The following TTL variants were observed in gnomAD, a reference collection of about 807,000 sequenced individuals.
The protein encoded by TTL is tubulin--tyrosine ligase.
A neutral mutation model predicts 41.1 loss-of-function variants in TTL; 10 were observed. The observed-to-expected ratio is 0.24, with a 90% CI of 0.15 to 0.41. The LOEUF is 0.41. TTL is among the 10% of genes least tolerant of loss of function. The probability of loss-of-function intolerance (pLI) is 1.00; values close to 1 mark genes in which losing one functional copy is unlikely to be tolerated. For synonymous variants in TTL, 175 were observed against 175.5 expected, an observed-to-expected ratio of 1.00 and a Z score of 0.02; for missense variants, 367 against 460.4, an observed-to-expected ratio of 0.80 and a Z score of 1.86.
chr2:112,516,759 A>G lies in TTL; in HGVS notation c.876-3523A>G, dbSNP rs1682082056. Among the ~76,000 whole-genome samples the G allele has an allele frequency of 2.6e-5, 4 of 152,168 alleles. No homozygotes were observed. In the South Asian group the frequency reaches 8.3e-4, roughly 32 times the overall value. Reference sequence around the variant, plus strand: ...CTGTCCCATTGTTCTACCATCCACCATGTCAATGCTACCCTGTCACAATGA... The same window carrying G: ...CTGTCCCATTGTTCTACCATCCACCGTGTCAATGCTACCCTGTCACAATGA... On this transcript the variant is annotated intron_variant, in intron 5 of 6. Transcript: ENST00000233336.
intron 2 of TTL, among the ~76,000 whole-genome samples, chr2:112,491,524 T>C (rs752628470): frequency 8.5e-5 from 13 of 152,246 alleles, no homozygotes; most frequent in Non-Finnish European, 1.3e-4. Flanking sequence ...GTTCATTTTT[T>C]GTAAATTATA....
intron 6 of TTL, chr2:112,521,171 CAA>C: frequency 7.1e-6 from 7 of 985,170 alleles, no homozygotes; most frequent in Non-Finnish European, 8.4e-6. Flanking sequence ...GAGAGTCTTC[CAA>C]AAGAGGTGCA....
At chr2:112,502,437 G>A (rs1681727669) in intron 4 of TTL, among the ~76,000 whole-genome samples, 1 of 151,988 alleles carries the variant, frequency 6.6e-6, no homozygotes, top group Non-Finnish European at 1.5e-5. Flanking sequence ...AGTATTTTGA[G>A]ACCAGCCTGG....
intron 2 of TTL, among the ~76,000 whole-genome samples, chr2:112,486,709 C>A (rs1001186575): frequency 2.0e-5 from 3 of 152,194 alleles, no homozygotes; most frequent in Non-Finnish European, 4.4e-5. Flanking sequence ...CTCCTTCTCT[C>A]ACTAGCTTGG....
At chr2:112,500,446 C>G (rs561645617) in intron 3 of TTL, among the ~76,000 whole-genome samples, 6 of 152,208 alleles carry the variant, frequency 3.9e-5, no homozygotes, top group African/African-American at 1.4e-4. Flanking sequence ...TGGTGCACGC[C>G]TGTAATCCCA....
intron 1 of TTL, chr2:112,483,597 C>T (rs545029117): frequency 2.0e-5 from 3 of 152,162 alleles, no homozygotes; most frequent in Non-Finnish European, 4.4e-5. Flanking sequence ...TAGGTGTGGT[C>T]AGAATTCAAA....
Position 112,539,686 on chromosome 2 carries a change from A to G in TTL, c.*10891A>G, listed in dbSNP as rs1682674280. The stretch of plus-strand genomic sequence containing the variant: ...AATGTTCTAGACAGAGCAATTCGAC[A>G]AAAGGAAGGAAAGAAGACTGCGCAT... On this transcript the variant is annotated 3_prime_UTR_variant, in exon 7 of 7. Transcript: ENST00000233336. 1 of 152,220 alleles carries G rather than the reference A, an allele frequency of 6.6e-6. No individual in the cohort carries two copies. Among genetic ancestry groups the G allele is most frequent in the African/African-American group, 2.4e-5 (1 of 41,460 alleles). The allele number at this position is 152,220 out of a possible 1,614,324, so 9.4% of individuals were successfully genotyped here. A position where few individuals can be genotyped will look rare whatever the true frequency, so the allele number is the denominator to read the frequency against.
In TTL at chr2:112,531,083, A is replaced by T. The variant is rs1397572891; in HGVS notation, c.*2288A>T. ...CAGCCTCGAATTTCTGGGCTTGAGC[A>T]GTCCTCCCGTCTCAGCCTCCTGAGT... On this transcript the variant is annotated 3_prime_UTR_variant, in exon 7 of 7. Transcript: ENST00000233336. The T allele has an allele frequency of 4.8e-6, 1 of 207,702 alleles. No individual in the cohort carries two copies. The highest frequency in any genetic ancestry group is 1.9e-4 in the South Asian group (1 of 5,324). The allele number at this position is 207,702 out of a possible 1,614,324, so 12.9% of individuals were successfully genotyped here.
At chr2:112,519,361 CATTGT>C (rs1466201177) in intron 5 of TTL, among the ~76,000 whole-genome samples, 5 of 152,118 alleles carry the variant, frequency 3.3e-5, no homozygotes, top group African/African-American at 1.2e-4. Flanking sequence ...TGTACTTGTT[CATTGT>C]ATTTCCAAAA....
intron 2 of TTL, among the ~76,000 whole-genome samples, chr2:112,491,207 G>T (rs937619806): frequency 6.6e-6 from 1 of 151,992 alleles, no homozygotes; most frequent in Non-Finnish European, 1.5e-5. Flanking sequence ...TAGCCAGGAT[G>T]GTCTTGATCT....
At chr2:112,496,699 G>C (rs1327025844) in intron 3 of TTL, among the ~76,000 whole-genome samples, 2 of 126,430 alleles carry the variant, frequency 1.6e-5, no homozygotes, top group Non-Finnish European at 3.4e-5. Flanking sequence ...GTGTGTGTGT[G>C]TGTGTGTGTA....
rs923627346 is a variant in TTL at position 112,531,168 on chromosome 2, C to T, written c.*2373C>T. On this transcript the variant is annotated 3_prime_UTR_variant, in exon 7 of 7. Coordinates refer to ENST00000233336, the MANE Select transcript of TTL (RefSeq NM_153712.5). ...CTTTATGTATTTATTTCTGTTCATG[C>T]GGAATGATTGGTTCAGAACTGTTCC... 1.4e-5 allele frequency: 3 copies of T among 215,678 alleles called. No individual in the cohort carries two copies. Among genetic ancestry groups the T allele is most frequent in the Non-Finnish European group, 2.8e-5 (3 of 106,976 alleles). The allele number at this position is 215,678 out of a possible 1,614,324, so 13.4% of individuals were successfully genotyped here.
At chr2:112,515,777 C>T (rs1192892513) in intron 5 of TTL, among the ~76,000 whole-genome samples, 1 of 152,072 alleles carries the variant, frequency 6.6e-6, no homozygotes, top group Non-Finnish European at 1.5e-5. Flanking sequence ...GAAACCTCGT[C>T]TCTACTAAGA....
intron 6 of TTL, among the ~76,000 whole-genome samples, chr2:112,527,514 A>G (rs896621324): frequency 3.3e-5 from 5 of 152,146 alleles, no homozygotes; most frequent in African/African-American, 1.2e-4. Context: ...GGGTGCATAT[A>G]TATTTAGGAT....
chr2:112,492,134 G>T (rs1300557936), intron 2 of TTL, among the ~76,000 whole-genome samples: 1 of 152,160 alleles, frequency 6.6e-6, no homozygotes, highest in Admixed American at 6.5e-5. Context: ...TCCCTGAATA[G>T]AATAGCGATG....
Position 112,531,112 on chromosome 2 carries a change from T to C in TTL, c.*2317T>C. ...CTCCCGTCTCAGCCTCCTGAGTAGCTGAGACTACAGGTGCACACCACCAAG... is the reference window on the plus strand; with the variant it reads ...CTCCCGTCTCAGCCTCCTGAGTAGCCGAGACTACAGGTGCACACCACCAAG... On this transcript the variant is annotated 3_prime_UTR_variant, in exon 7 of 7. Transcript: ENST00000233336. The C allele has an allele frequency of 4.7e-6, 1 of 211,630 alleles. No individual in the cohort carries two copies. The highest frequency in any genetic ancestry group is 9.6e-6 in the Non-Finnish European group (1 of 104,332). The allele number at this position is 211,630 out of a possible 1,614,324, so 13.1% of individuals were successfully genotyped here.
chr2:112,525,056 C>T (rs1189651393), intron 6 of TTL, among the ~76,000 whole-genome samples: 2 of 152,110 alleles, frequency 1.3e-5, no homozygotes, highest in African/African-American at 4.8e-5. Flanking sequence ...GAATCCTTTC[C>T]TCATTTCTTG....
chr2:112,486,045 A>T, intron 2 of TTL, 50 bp downstream of exon 2: 3 of 1,570,838 alleles, frequency 1.9e-6, no homozygotes, highest in Non-Finnish European at 8.8e-7. Context: ...TGAAGCACTT[A>T]GGCAAAAATG....
intron 5 of TTL, among the ~76,000 whole-genome samples, chr2:112,510,253 C>A (rs997460212): frequency 6.6e-6 from 1 of 152,092 alleles, no homozygotes; most frequent in African/African-American, 2.4e-5. Context: ...TCTCAGCCTC[C>A]CAAGTAGCTG....
Sources: allele counts gnomAD v4.1 joint callset (sites outside exome capture counted in the v4.1 genomes callset), GRCh38; gene constraint gnomAD v4.1.1; transcripts MANE v1.5; gene names NCBI Gene and HGNC (gene_info 2026-07-23, HGNC 2026-07-21).